C19orf44: variants seen among roughly 807,000 people sequenced by gnomAD.
The protein encoded by C19orf44 is uncharacterized protein C19orf44.
A neutral mutation model predicts 50.7 loss-of-function variants in C19orf44; 43 were observed. The observed-to-expected ratio is 0.85, with a 90% confidence interval of 0.66 to 1.09. C19orf44 has a LOEUF of 1.09. Ranked by LOEUF, C19orf44 falls within the 50% of genes least tolerant of loss-of-function variation. The probability of loss-of-function intolerance (pLI) is 0.00; values close to 1 mark genes in which losing one functional copy is unlikely to be tolerated. For missense variants in C19orf44, 722 were observed against 836.2 expected (o/e 0.86, Z 1.68); for synonymous variants, 298 against 334.7 (o/e 0.89, Z 1.20).
chr19:16,501,695 G>C, intron 2 of C19orf44, 144 bp downstream of exon 2: 1 of 524,904 alleles, frequency 1.9e-6, no homozygotes, highest in Non-Finnish European at 2.8e-6. Flanking sequence ...AGATTCAAGT[G>C]ATTCTCCTGC....
chr19:16,514,523 C>T lies in C19orf44; in HGVS notation c.1762C>T (p.Leu588=), dbSNP rs1166003615. Residue 588 remains leucine, a synonymous_variant, in exon 7 of 9, where the codon CTG becomes TTG. Coordinates refer to ENST00000221671, the MANE Select transcript of C19orf44 (RefSeq NM_032207.4). ...EALTAYSPAV[L]ALHDVLKQQL... is the part of the protein sequence containing the mutation. ...CCTGACCGCTTACAGCCCGGCCGTG[C>T]TGGCACTCCATGATGTGCTGAAGCA... 6.2e-7 allele frequency: 1 copy of T among 1,611,708 alleles called. No homozygotes were observed. The highest frequency in any genetic ancestry group is 1.7e-5 in the Admixed American group (1 of 59,890).
chr19:16,519,881 AG>A lies in C19orf44; in HGVS notation c.*41-208del. Reference sequence around the variant, plus strand: ...CCGTTTATCCTGTCTCAGCTAGATAAGGGGGCTCCAGACGCTGGCCCCCACC... The same window carrying A: ...CCGTTTATCCTGTCTCAGCTAGATAAGGGGCTCCAGACGCTGGCCCCCACC... On this transcript the variant is annotated intron_variant, in intron 8 of 8. Coordinates refer to ENST00000221671, the MANE Select transcript of C19orf44 (RefSeq NM_032207.4). This position sits in a 1 kb window ranked among gnomAD's most constrained non-coding sequence, Gnocchi z 6.0. 2 of 694,396 alleles carry A rather than the reference AG, an allele frequency of 2.9e-6. No individual in the cohort carries two copies. Among genetic ancestry groups the A allele is most frequent in the Non-Finnish European group, 2.5e-6 (1 of 398,030 alleles). 43.0% of individuals were successfully genotyped at this position (694,396 alleles called of 1,614,324 possible).
chr19:16,496,933 G>C (rs1568489672), intron 1 of C19orf44, among the ~76,000 whole-genome samples: 1 of 152,036 alleles, frequency 6.6e-6, no homozygotes, highest in Non-Finnish European at 1.5e-5. Flanking sequence ...ATCCAGACCA[G>C]CCTGGGCAAC....
At chr19:16,512,818 C>T (rs1050922920) in intron 5 of C19orf44, among the ~76,000 whole-genome samples, 196 bp from the exon 6 acceptor site, 15 of 148,950 alleles carry the variant, frequency 1.0e-4, no homozygotes, top group South Asian at 2.1e-4. Flanking sequence ...GTGATCATGC[C>T]GTGCACTCCA....
At chr19:16,518,378 A>C (rs7783) in intron 8 of C19orf44, 3 of 151,756 alleles carry the variant, frequency 2.0e-5, no homozygotes, top group Non-Finnish European at 2.9e-5. Flanking sequence ...GGCAGCGCTC[A>C]ACCTGAAGTG....
At chr19:16,502,945 C>A in intron 2 of C19orf44, 120 bp from the exon 3 acceptor site, 1 of 872,770 alleles carries the variant, frequency 1.1e-6, no homozygotes, top group Non-Finnish European at 1.7e-6. Context: ...AGCTATTGAG[C>A]CACTGCCCTC....
chr19:16,514,544 A>T lies in C19orf44; in HGVS notation c.1783A>T (p.Lys595Ter). The T allele has an allele frequency of 6.2e-7, 1 of 1,611,798 alleles. No homozygotes were observed. The highest frequency in any genetic ancestry group is 8.5e-7 in the Non-Finnish European group (1 of 1,179,696). The change falls in exon 7 of 9, where the codon AAG becomes TAG. Residue 595 changes from lysine (K) to a stop codon, truncating the protein, a stop_gained. Coordinates refer to ENST00000221671, the MANE Select transcript of C19orf44 (RefSeq NM_032207.4). LOFTEE classifies it high-confidence loss of function. ...CGTGCTGGCACTCCATGATGTGCTG[A>T]AGCAGCAGCTGAGCCTGACGCAGCA... is the stretch of plus-strand genomic sequence containing the variant. ...PAVLALHDVL[K>*]QQLSLTQQFI...
At position 16,501,447 on chromosome 19, in the gene C19orf44, A is replaced by C. The variant is rs1237119086; in HGVS notation, c.655A>C (p.Lys219Gln). Reference protein sequence around the residue: ...DSPDSDEEEMKVLLGSLMDSS... With the variant: ...DSPDSDEEEMQVLLGSLMDSS... ...TCCAGACAGTGACGAAGAAGAAATG[A>C]AAGTATTGCTAGGAAGCTTGATGGA... The change falls in exon 2 of 9, where the codon AAA (lysine) becomes CAA (glutamine). Residue 219 changes from lysine (K) to glutamine (Q), a missense_variant. Transcript: ENST00000221671. 5 of 1,613,656 alleles carry C rather than the reference A, an allele frequency of 3.1e-6. No individual in the cohort carries two copies. The highest frequency in any genetic ancestry group is 3.3e-4 in the Middle Eastern group (2 of 6,084).
chr19:16,511,851 C>T (rs1217926751), intron 5 of C19orf44, among the ~76,000 whole-genome samples: 1 of 151,900 alleles, frequency 6.6e-6, no homozygotes, highest in Admixed American at 6.6e-5. Flanking sequence ...CCCGTCTCTA[C>T]TAAAAATACA....
chr19:16,507,341 G>A (rs1422298247), intron 4 of C19orf44, among the ~76,000 whole-genome samples: 6 of 152,198 alleles, frequency 3.9e-5, no homozygotes, highest in African/African-American at 9.6e-5. Context: ...TTCACCAGCC[G>A]TATCCAGTCA....
intron 5 of C19orf44, among the ~76,000 whole-genome samples, chr19:16,512,014 C>CAAA (rs1203102155): frequency 2.1e-4 from 10 of 47,396 alleles, no homozygotes; most frequent in African/African-American, 2.6e-4. Context: ...GACTCTGTCT[C>CAAA]AAAAAAAAAA....
chr19:16,517,308 G>A lies in C19orf44; in HGVS notation c.*7G>A, dbSNP rs777871874. ...GGTGAACAAGGAGCTGTGAGCGCCA[G>A]CAGGTGGAGCTTGACGTGACGTCTT... On this transcript the variant is annotated 3_prime_UTR_variant, in exon 8 of 9. Transcript: ENST00000221671. 7 of 1,613,740 alleles carry A rather than the reference G, an allele frequency of 4.3e-6. No individual in the cohort carries two copies. The South Asian group carries it at 4.4e-5, about 10-fold the overall frequency.
Position 16,520,250 on chromosome 19 carries a change from C to A in C19orf44, c.*197C>A. Reference sequence around the variant, plus strand: ...ACCGGGAGCGGCTTCTGGAGGAGCGCGACCTGCTCCGACTTCTGCAGGGAA... The same window carrying A: ...ACCGGGAGCGGCTTCTGGAGGAGCGAGACCTGCTCCGACTTCTGCAGGGAA... On this transcript the variant is annotated 3_prime_UTR_variant, in exon 9 of 9. Transcript: ENST00000221671. The surrounding 1 kb of genome is among the most constrained non-coding windows in gnomAD (Gnocchi z 4.0). The A allele has an allele frequency of 1.2e-6, 2 of 1,613,350 alleles. No homozygotes were observed. The highest frequency in any genetic ancestry group is 1.7e-6 in the Non-Finnish European group (2 of 1,180,002).
intron 5 of C19orf44, 30 bp from the exon 6 acceptor site, chr19:16,512,984 T>G: frequency 6.3e-7 from 1 of 1,599,586 alleles, no homozygotes; most frequent in Non-Finnish European, 8.5e-7. Context: ...GCGTCCTGCC[T>G]GCTTACCCCT....
intron 2 of C19orf44, among the ~76,000 whole-genome samples, chr19:16,502,450 A>G (rs902578422): frequency 6.6e-6 from 1 of 151,166 alleles, no homozygotes; most frequent in Non-Finnish European, 1.5e-5. Flanking sequence ...GTTGGCCGTG[A>G]TGGTCTCGAT....
rs747324706 is a variant in C19orf44 at position 16,520,218 on chromosome 19, G to A, written c.*165G>A. ...GGAGTACGACTTGGACCGGGACCGC[G>A]ACTGGGACCGGGAGCGGCTTCTGGA... On this transcript the variant is annotated 3_prime_UTR_variant, in exon 9 of 9. Coordinates refer to ENST00000221671, the MANE Select transcript of C19orf44 (RefSeq NM_032207.4). This position sits in a 1 kb window ranked among gnomAD's most constrained non-coding sequence, Gnocchi z 4.0. The A allele has an allele frequency of 1.9e-6, 3 of 1,613,274 alleles. No homozygotes were observed. The highest frequency in any genetic ancestry group is 1.3e-5 in the African/African-American group (1 of 74,898).
intron 4 of C19orf44, among the ~76,000 whole-genome samples, chr19:16,508,354 T>C (rs7245529): frequency 0.93 from 141,464 of 152,108 alleles, 66,015 homozygotes; most frequent in African/African-American, 0.99. Flanking sequence ...TCACCCACCT[T>C]GGCCTCTCAA....
intron 2 of C19orf44, 113 bp from the exon 3 acceptor site, chr19:16,502,949 TGCC>T: frequency 1.1e-6 from 1 of 931,684 alleles, no homozygotes; most frequent in South Asian, 1.8e-5. Context: ...ATTGAGCCAC[TGCC>T]CTCCAGCCTA....
intron 3 of C19orf44, among the ~76,000 whole-genome samples, chr19:16,505,492 G>C (rs1386457110): frequency 1.3e-5 from 2 of 152,028 alleles, no homozygotes; most frequent in Non-Finnish European, 2.9e-5. Context: ...GGGATTACAG[G>C]CATGAGCCAC....
Sources: allele counts gnomAD v4.1 joint callset (sites outside exome capture counted in the v4.1 genomes callset), GRCh38; gene constraint gnomAD v4.1.1; non-coding constraint Gnocchi (gnomAD v3.1); transcripts MANE v1.5; gene names NCBI Gene and HGNC (gene_info 2026-07-23, HGNC 2026-07-21).